The following PGBD5 variants were observed in gnomAD, a reference collection of about 807,000 sequenced individuals.
PGBD5 encodes piggyBac transposable element-derived protein 5.
PGBD5 carries 14 observed loss-of-function variants against 47.9 expected under a neutral mutation model. The ratio of observed to expected loss-of-function variants is 0.29; its 90% CI spans 0.19 to 0.46. PGBD5 has a LOEUF of 0.46. PGBD5 is among the 20% of genes least tolerant of loss of function. The pLI is 1.00. For synonymous variants in PGBD5, 316 were observed against 306.3 expected (o/e 1.03, Z -0.33); for missense variants, 635 against 716.0 (o/e 0.89, Z 1.29).
Position 230,354,102 on chromosome 1 carries a change from T to C in PGBD5, c.759+2792A>G, listed in dbSNP as rs868681945. Among the ~76,000 whole-genome samples the C allele has an allele frequency of 3.9e-5, 6 of 152,176 alleles. No individual in the cohort carries two copies. In the Middle Eastern group the frequency reaches 0.017, roughly 431 times the overall value. On this transcript the variant is annotated intron_variant, in intron 2 of 6. Transcript: ENST00000391860. The stretch of plus-strand genomic sequence containing the variant: ...GCTCCAGGGAATGGAGGGGCACAGG[T>C]GACATACAGGAAGCCCCAGGAAGCA...
intron 1 of PGBD5, among the ~76,000 whole-genome samples, chr1:230,380,984 G>A (rs974118511): frequency 1.2e-4 from 18 of 152,248 alleles, no homozygotes; most frequent in African/African-American, 3.6e-4. Context: ...GTGGGTGGCC[G>A]TCTGCGGCCG....
chr1:230,395,351 C>T (rs1472912677), intron 1 of PGBD5, among the ~76,000 whole-genome samples: 14 of 49,236 alleles, frequency 2.8e-4, no homozygotes, highest in Non-Finnish European at 3.6e-4. Context: ...GCTCCTCTCA[C>T]TCCCAACACC....
At chr1:230,389,209 T>C (rs1398812562) in intron 1 of PGBD5, among the ~76,000 whole-genome samples, 1 of 151,808 alleles carries the variant, frequency 6.6e-6, no homozygotes, top group Non-Finnish European at 1.5e-5. Context: ...GTTTCACTCT[T>C]GTCACCCAGG....
rs1324749845 is a variant in PGBD5 at position 230,425,016 on chromosome 1, C to T, written c.331+582G>A. ...CCAATCGGTCCCTTCCTTCACTCCT[C>T]CCCATTCTTAACAAGAGATCTGGAA... On this transcript the variant is annotated intron_variant, in intron 1 of 6. Transcript: ENST00000391860. This position sits in a 1 kb window ranked among gnomAD's most constrained non-coding sequence, Gnocchi z 4.7. Among the ~76,000 whole-genome samples the T allele has an allele frequency of 6.6e-6, 1 of 152,180 alleles. No individual in the cohort carries two copies. The highest frequency in any genetic ancestry group is 1.5e-5 in the Non-Finnish European group (1 of 68,038).
chr1:230,417,402 T>C (rs1489935278), intron 1 of PGBD5, among the ~76,000 whole-genome samples: 4 of 152,200 alleles, frequency 2.6e-5, no homozygotes, highest in Non-Finnish European at 4.4e-5. Flanking sequence ...TCTACATCCA[T>C]GCCTGAACCT....
intron 2 of PGBD5, among the ~76,000 whole-genome samples, chr1:230,356,450 C>T (rs928924554): frequency 6.6e-6 from 1 of 152,306 alleles, no homozygotes; most frequent in Non-Finnish European, 1.5e-5. Context: ...GCATAAGTAA[C>T]CCCCGATGAT....
intron 1 of PGBD5, among the ~76,000 whole-genome samples, chr1:230,404,725 G>T (rs1288067742): frequency 6.6e-6 from 1 of 150,744 alleles, no homozygotes; most frequent in Non-Finnish European, 1.5e-5. Flanking sequence ...CTGAGGTCAG[G>T]AGTTCGATAC....
rs555537017 is a variant in PGBD5, at chr1:230,387,318, T to C, written c.332-29997A>G. ...CCCAACAATAAATTAGGCTTACTGA[T>C]AGTACCTTTCTCTCCTGACCCTGAT... On this transcript the variant is annotated intron_variant, in intron 1 of 6. Transcript: ENST00000391860. Among the ~76,000 whole-genome samples the C allele has an allele frequency of 7.2e-5, 11 of 152,358 alleles. No individual in the cohort carries two copies. The South Asian group carries it at 2.1e-3, about 29-fold the overall frequency.
intron 1 of PGBD5, among the ~76,000 whole-genome samples, chr1:230,367,196 C>T (rs925207656): frequency 3.9e-5 from 6 of 152,138 alleles, no homozygotes; most frequent in Admixed American, 3.3e-4. Flanking sequence ...TTTCCTTCTA[C>T]TCGGGCCGCT....
Position 230,323,230 on chromosome 1 carries a change from C to T in PGBD5, c.*195G>A. 1.7e-6 allele frequency: 1 copy of T among 602,550 alleles called. No individual in the cohort carries two copies. 37.3% of individuals were successfully genotyped at this position (602,550 alleles called of 1,614,324 possible). On this transcript the variant is annotated 3_prime_UTR_variant, in exon 7 of 7. Transcript: ENST00000391860. This position sits in a 1 kb window ranked among gnomAD's most constrained non-coding sequence, Gnocchi z 4.1. ...GCACTGTTTCTCGAGGGAGGACATG[C>T]TCTTCTTGGAATGCAAATGAGGACA...
At position 230,317,414 on chromosome 1, in the gene PGBD5, G is replaced by C. The variant is rs1476665858; in HGVS notation, c.*6011C>G. The C allele has an allele frequency of 2.6e-5, 4 of 152,220 alleles. No individual in the cohort carries two copies. The highest frequency in any genetic ancestry group is 7.2e-5 in the African/African-American group (3 of 41,444). 9.4% of individuals were successfully genotyped at this position (152,220 alleles called of 1,614,324 possible). A position where few individuals can be genotyped will look rare whatever the true frequency, so the allele number is the denominator to read the frequency against. On this transcript the variant is annotated 3_prime_UTR_variant, in exon 7 of 7. Coordinates refer to ENST00000391860, the MANE Select transcript of PGBD5 (RefSeq NM_001258311.2). The stretch of plus-strand genomic sequence containing the variant: ...TTGTCAGCTCCCAGGGCAATGCTGA[G>C]GACTCAGCAAAGGAACCATACAGGG...
Position 230,356,851 on chromosome 1 carries a change from C to T in PGBD5, c.759+43G>A, listed in dbSNP as rs759918274. ...AACAGACAAGGCTAGGCCGAGAGAGCGAGGACACCTGGACAAGCTCTTACG... is the reference window on the plus strand; with the variant it reads ...AACAGACAAGGCTAGGCCGAGAGAGTGAGGACACCTGGACAAGCTCTTACG... On this transcript the variant is annotated intron_variant, in intron 2 of 6. Transcript: ENST00000391860. 3.7e-5 allele frequency: 59 copies of T among 1,579,064 alleles called. No homozygotes were observed. In the Middle Eastern group the frequency reaches 7.2e-4, roughly 19 times the overall value.
intron 4 of PGBD5, chr1:230,336,218 C>G (rs1667323175): frequency 1.3e-5 from 2 of 152,174 alleles, no homozygotes; most frequent in Admixed American, 6.5e-5. Context: ...ATCTCTCTAC[C>G]CTTGATTCTT....
At chr1:230,348,553 C>T (rs757749688) in intron 3 of PGBD5, among the ~76,000 whole-genome samples, 90 of 152,316 alleles carry the variant, frequency 5.9e-4, no homozygotes, top group African/African-American at 1.5e-3. Context: ...AAAGCTCTGA[C>T]GGTGTAAGGT....
intron 4 of PGBD5, among the ~76,000 whole-genome samples, chr1:230,336,527 G>A (rs1281723196): frequency 6.6e-6 from 1 of 152,214 alleles, no homozygotes; most frequent in East Asian, 1.9e-4. Flanking sequence ...GGCCAGGGCA[G>A]CTTGCCACAG....
chr1:230,373,560 T>TA (rs1325018841), intron 1 of PGBD5, among the ~76,000 whole-genome samples: 1 of 152,216 alleles, frequency 6.6e-6, no homozygotes, highest in Non-Finnish European at 1.5e-5. Context: ...CTCCCAGTGT[T>TA]ATTCAGAGCT....
intron 1 of PGBD5, among the ~76,000 whole-genome samples, chr1:230,401,151 G>A (rs1016776986): frequency 5.9e-5 from 9 of 152,174 alleles, no homozygotes; most frequent in East Asian, 1.9e-4. Context: ...GCATTGGGCC[G>A]CATTCACCAT....
rs986956302 is a variant in PGBD5, at chr1:230,425,838, C to T, written c.91G>A (p.Asp31Asn). Reference protein sequence around the residue: ...ARYESLHISDDVFGESGPDSG... With the variant: ...ARYESLHISDNVFGESGPDSG... ...TCCGGGCCGGACTCGCCGAACACGT[C>T]GTCCGAGATGTGCAGGCTCTCGTAG... is the stretch of plus-strand genomic sequence containing the variant. The change falls in exon 1 of 7, where the codon GAC becomes AAC. Residue 31 changes from aspartate (D) to asparagine (N), a missense_variant. Transcript: ENST00000391860. The surrounding 1 kb of genome is among the most constrained non-coding windows in gnomAD (Gnocchi z 4.7). 253 of 1,204,246 alleles carry T rather than the reference C, an allele frequency of 2.1e-4. No homozygotes were observed. Among genetic ancestry groups the T allele is most frequent in the Non-Finnish European group, 2.5e-4 (247 of 970,482 alleles). The allele number at this position is 1,204,246 out of a possible 1,614,324, so 74.6% of individuals were successfully genotyped here.
Position 230,343,625 on chromosome 1 carries a change from C to T in PGBD5, c.895-6337G>A, listed in dbSNP as rs187668300. Among the ~76,000 whole-genome samples the T allele has an allele frequency of 1.1e-4, 17 of 152,276 alleles. No individual in the cohort carries two copies. In the East Asian group the frequency reaches 2.3e-3, roughly 21 times the overall value. ...TCATGCCAGCATCCTCCTCACTGCA[C>T]GATTAAACAGCTGGACACATGTCCT... On this transcript the variant is annotated intron_variant, in intron 3 of 6. Coordinates refer to ENST00000391860, the MANE Select transcript of PGBD5 (RefSeq NM_001258311.2).
Sources: allele counts gnomAD v4.1 joint callset (sites outside exome capture counted in the v4.1 genomes callset), GRCh38; gene constraint gnomAD v4.1.1; non-coding constraint Gnocchi (gnomAD v3.1); transcripts MANE v1.5; gene names NCBI Gene and HGNC (gene_info 2026-07-23, HGNC 2026-07-21).